NRG3: variants seen among roughly 807,000 people sequenced by gnomAD.
NRG3 encodes neuregulin 3.
NRG3 carries 31 observed loss-of-function variants against 66.9 expected under a neutral mutation model. That is an observed-to-expected ratio of 0.46 (90% CI 0.35 to 0.63). The LOEUF (loss-of-function observed/expected upper bound fraction) is 0.63, where lower values mean the gene tolerates loss of function less well. Among genes scored for constraint, NRG3 ranks in the 20% least tolerant of loss-of-function variants. The pLI is 0.00. For missense variants in NRG3, 910 were observed against 878.9 expected (o/e 1.04, Z -0.45); for synonymous variants, 393 against 359.4 (o/e 1.09, Z -1.06).
intron 1 of NRG3, among the ~76,000 whole-genome samples, chr10:82,246,376 A>G (rs1241802578): frequency 6.6e-6 from 1 of 152,164 alleles, no homozygotes; most frequent in Non-Finnish European, 1.5e-5. Context: ...TGAGGGTGTT[A>G]TAACATGTTT....
chr10:82,817,651 G>A (rs1267823964), intron 3 of NRG3, among the ~76,000 whole-genome samples: 4 of 152,164 alleles, frequency 2.6e-5, no homozygotes, highest in African/African-American at 9.7e-5. Context: ...TGGACTAAAT[G>A]GATGAAAAGA....
At chr10:81,933,727 C>T (rs1847605054) in intron 1 of NRG3, among the ~76,000 whole-genome samples, 1 of 152,066 alleles carries the variant, frequency 6.6e-6, no homozygotes, top group Admixed American at 6.6e-5. Context: ...AAGTGTATGC[C>T]CAGCAGGTTA....
intron 2 of NRG3, among the ~76,000 whole-genome samples, chr10:82,476,016 A>G (rs1841745593): frequency 6.6e-6 from 1 of 152,208 alleles, no homozygotes; most frequent in Non-Finnish European, 1.5e-5. Context: ...ATTTAAAAAA[A>G]GAGCAAATGA....
chr10:82,460,373 T>A (rs1772184309), intron 2 of NRG3, among the ~76,000 whole-genome samples: 1 of 152,228 alleles, frequency 6.6e-6, no homozygotes, highest in Non-Finnish European at 1.5e-5. Flanking sequence ...AAAGTTGTAG[T>A]TATGACTTAC....
At chr10:82,904,581 T>C (rs1032756876) in intron 4 of NRG3, among the ~76,000 whole-genome samples, 1 of 152,156 alleles carries the variant, frequency 6.6e-6, no homozygotes, top group Non-Finnish European at 1.5e-5. Flanking sequence ...CAATGTTTTT[T>C]ATATCATGGG....
intron 2 of NRG3, among the ~76,000 whole-genome samples, chr10:82,369,848 G>T (rs1182957607): frequency 7.2e-6 from 1 of 138,432 alleles, no homozygotes; most frequent in Non-Finnish European, 1.5e-5. Context: ...TGAGTTTCCT[G>T]AGTCACTCAG....
intron 2 of NRG3, among the ~76,000 whole-genome samples, chr10:82,362,744 G>T (rs1190200590): frequency 2.0e-5 from 3 of 151,706 alleles, no homozygotes; most frequent in African/African-American, 7.3e-5. Flanking sequence ...ACAGATTGTG[G>T]TATATTGTGG....
At chr10:82,315,552 G>A (rs1033638595) in intron 1 of NRG3, among the ~76,000 whole-genome samples, 13 of 152,066 alleles carry the variant, frequency 8.5e-5, no homozygotes, top group Admixed American at 2.0e-4. Flanking sequence ...CAAAGGTGCC[G>A]TCTTTGAAGG....
chr10:82,199,243 A>G (rs1379832255), intron 1 of NRG3, among the ~76,000 whole-genome samples: 1 of 151,974 alleles, frequency 6.6e-6, no homozygotes, highest in Non-Finnish European at 1.5e-5. Flanking sequence ...CTAATTATTT[A>G]ATTCATTAAT....
chr10:82,919,468 G>GAT (rs1437301625), intron 4 of NRG3, among the ~76,000 whole-genome samples: 6 of 152,166 alleles, frequency 3.9e-5, no homozygotes, highest in African/African-American at 1.2e-4. Context: ...TGGGAGTGAT[G>GAT]ATAGAGTCTA....
At chr10:82,859,275 A>G (rs1330678461) in intron 3 of NRG3, 2 of 152,146 alleles carry the variant, frequency 1.3e-5, no homozygotes, top group African/African-American at 4.8e-5. Context: ...AACACAGATC[A>G]ATATTTTCCT....
At chr10:82,517,595 T>C (rs11194839) in intron 2 of NRG3, among the ~76,000 whole-genome samples, 7,998 of 151,696 alleles carry the variant, frequency 0.053, 482 homozygotes, top group East Asian at 0.17. Flanking sequence ...CAATCACTAA[T>C]CTTCACTCCT....
In NRG3 at chr10:81,875,968, C is replaced by A. The variant is rs756051474; in HGVS notation, c.628C>A (p.Pro210Thr). ...FFSSSTLGSR[P>T]PVPGTPSTQA... ...CAGTAGCAGCACGCTGGGCTCCCGA[C>A]CCCCGGTGCCAGGAACTCCAAGTAC... is the stretch of plus-strand genomic sequence containing the variant. The change falls in exon 1 of 9, where the codon CCC becomes ACC. Residue 210 changes from proline to threonine, a missense_variant. Transcript: ENST00000372141. This position sits in a 1 kb window ranked among gnomAD's most constrained non-coding sequence, Gnocchi z 5.3. 2 of 1,613,798 alleles carry A rather than the reference C, an allele frequency of 1.2e-6. No individual in the cohort carries two copies. The highest frequency in any genetic ancestry group is 1.7e-6 in the Non-Finnish European group (2 of 1,180,024).
intron 1 of NRG3, among the ~76,000 whole-genome samples, chr10:82,216,843 G>A (rs2075715195): frequency 6.6e-6 from 1 of 152,044 alleles, no homozygotes; most frequent in African/African-American, 2.4e-5. Context: ...GTGATAGCAA[G>A]TATAGCGAGT....
chr10:82,541,912 T>C (rs550079820), intron 2 of NRG3, among the ~76,000 whole-genome samples: 2 of 152,216 alleles, frequency 1.3e-5, no homozygotes, highest in Admixed American at 1.3e-4. Context: ...CCAGACTTTT[T>C]AAAAACATTT....
chr10:82,267,170 A>G (rs1376468301), intron 1 of NRG3, among the ~76,000 whole-genome samples: 2 of 152,174 alleles, frequency 1.3e-5, no homozygotes, highest in Non-Finnish European at 2.9e-5. Context: ...GGCTGCTGCT[A>G]GAGGACTAAC....
intron 1 of NRG3, among the ~76,000 whole-genome samples, chr10:82,234,899 T>C (rs984726768): frequency 6.6e-6 from 1 of 152,246 alleles, no homozygotes; most frequent in Non-Finnish European, 1.5e-5. Context: ...CCTTCAGCCG[T>C]GCTTGCCTTG....
intron 1 of NRG3, among the ~76,000 whole-genome samples, chr10:81,943,557 C>T (rs562771872): frequency 6.6e-6 from 1 of 152,182 alleles, no homozygotes; most frequent in South Asian, 2.1e-4. Context: ...CATTGCATAC[C>T]AGCAGGCAGC....
chr10:82,307,781 A>G lies in NRG3; in HGVS notation c.824-50958A>G, dbSNP rs144802505. On this transcript the variant is annotated intron_variant, in intron 1 of 8. Coordinates refer to ENST00000372141, the MANE Select transcript of NRG3 (RefSeq NM_001010848.4). ...TTTTTTTTTCCTGTCATTTAAAAAA[A>G]TCTTCTATTTTAATTATTTTCCCTG... Among the ~76,000 whole-genome samples, 1,299 of 151,820 alleles carry G rather than the reference A, an allele frequency of 8.6e-3. 15 individuals carry two copies. Among genetic ancestry groups the G allele is most frequent in the African/African-American group, 0.029 (1,199 of 41,446 alleles).
Sources: gnomAD v4.1 joint callset for allele counts (sites outside exome capture counted in the v4.1 genomes callset) on GRCh38, gnomAD v4.1.1 for gene constraint, Gnocchi (gnomAD v3.1) non-coding constraint, MANE v1.5 for transcripts, NCBI Gene and HGNC (gene_info 2026-07-23, HGNC 2026-07-21) for gene names.